TRPM4: variants seen among roughly 807,000 people sequenced by gnomAD.
TRPM4 encodes transient receptor potential cation channel subfamily M member 4.
A neutral mutation model predicts 135.6 loss-of-function variants in TRPM4; 124 were observed. The ratio of observed to expected loss-of-function variants is 0.91; its 90% CI spans 0.79 to 1.06. The LOEUF is 1.06. TRPM4 is among the 50% of genes least tolerant of loss of function. The probability of loss-of-function intolerance (pLI) is 0.00; values close to 1 mark genes in which losing one functional copy is unlikely to be tolerated. For missense variants in TRPM4, 1,658 were observed against 1,671.4 expected, an observed-to-expected ratio of 0.99 and a Z score of 0.14; for synonymous variants, 745 against 705.6, an observed-to-expected ratio of 1.06 and a Z score of -0.88.
chr19:49,168,068 G>T lies in TRPM4; in HGVS notation c.419G>T (p.Arg140Leu), dbSNP rs143440348. 4 of 1,609,122 alleles carry T rather than the reference G, an allele frequency of 2.5e-6. No homozygotes were observed. The highest frequency in any genetic ancestry group is 1.7e-5 in the Admixed American group (1 of 59,978). Reference sequence around the variant, plus strand: ...ACCTGGCTGCAGGACCTGCTGCGTCGTGGGCTGGTGCGGGCTGCCCAGAGC... The same window carrying T: ...ACCTGGCTGCAGGACCTGCTGCGTCTTGGGCTGGTGCGGGCTGCCCAGAGC... Reference protein sequence around the residue: ...LQTWLQDLLRRGLVRAAQSTG... With the variant: ...LQTWLQDLLRLGLVRAAQSTG... Residue 140 changes from arginine (R) to leucine (L), a missense_variant, in exon 4 of 25, where the codon CGT becomes CTT. Physicochemically the swap from Arg to Leu is moderately radical, Grantham distance 102 (BLOSUM62 -2). This residue lies in a region of TRPM4 where 239 missense variants were observed against 240.1 expected (regional missense o/e 1.00). Transcript: ENST00000252826.
chr19:49,190,457 C>A, intron 15 of TRPM4, 137 bp downstream of exon 15: 1 of 880,516 alleles, frequency 1.1e-6, no homozygotes, highest in Non-Finnish European at 1.8e-6. Flanking sequence ...TGTCCCTCCA[C>A]TAAGGGAGTG....
chr19:49,196,582 G>A lies in TRPM4; in HGVS notation c.2353G>A (p.Gly785Ser). The A allele has an allele frequency of 6.4e-7, 1 of 1,557,240 alleles. No individual in the cohort carries two copies. The highest frequency in any genetic ancestry group is 8.7e-7 in the Non-Finnish European group (1 of 1,153,778). ...FWGAPVTIFMGNVVSYLLFLL... is the reference protein window; with the variant it reads ...FWGAPVTIFMSNVVSYLLFLL... ...GGGCGCGCCGGTGACCATCTTCATGGGCAACGTGGTCAGCTACCTGCTGTT... is the reference window on the plus strand; with the variant it reads ...GGGCGCGCCGGTGACCATCTTCATGAGCAACGTGGTCAGCTACCTGCTGTT... Residue 785 changes from glycine (G) to serine (S), a missense_variant, in exon 17 of 25, where the codon GGC becomes AGC. Around this residue, in one of 3 missense-constraint regions of TRPM4, gnomAD observed 1,412 missense variants for 1,408.7 expected, o/e 1.00. Coordinates refer to ENST00000252826, the MANE Select transcript of TRPM4 (RefSeq NM_017636.4).
intron 2 of TRPM4, chr19:49,158,746 T>G: frequency 6.3e-6 from 1 of 159,380 alleles, no homozygotes; most frequent in Non-Finnish European, 1.4e-5. Context: ...TCATTTCACC[T>G]CTCTGGGTCC....
Position 49,182,461 on chromosome 19 carries a change from CAT to C in TRPM4, c.1264-116_1264-115del, listed in dbSNP as rs1291714622. On this transcript the variant is annotated intron_variant, in intron 10 of 24. Coordinates refer to ENST00000252826, the MANE Select transcript of TRPM4 (RefSeq NM_017636.4). ...TCATCCATCCATCCACCCATCCATC[CAT>C]CCATCCATCCATCCATCCATCCATC... The C allele has an allele frequency of 8.5e-3, 3,273 of 385,418 alleles. 17 individuals are homozygous for C. The highest frequency in any genetic ancestry group is 0.013 in the Non-Finnish European group (2,731 of 217,740). 23.9% of individuals were successfully genotyped at this position (385,418 alleles called of 1,614,324 possible).
chr19:49,168,650 AC>A lies in TRPM4; in HGVS notation c.711del (p.Asp237GlufsTer41). ...TACTCGGCCTTCTTCCTGGTGGACG[AC>A]GGCACACACGGCTGCCTGGGGGGCG... is the stretch of plus-strand genomic sequence containing the variant. ...YNYSAFFLVD[D>X]GTHGCLGGEN... On this transcript the variant is annotated frameshift_variant, in exon 6 of 25. Transcript: ENST00000252826. LOFTEE classifies it high-confidence loss of function. The A allele has an allele frequency of 1.2e-6, 2 of 1,613,228 alleles. No homozygotes were observed. The highest frequency in any genetic ancestry group is 1.7e-6 in the Non-Finnish European group (2 of 1,179,900).
chr19:49,184,581 G>A (rs867424065), intron 12 of TRPM4, among the ~76,000 whole-genome samples: 10 of 145,092 alleles, frequency 6.9e-5, no homozygotes, highest in Middle Eastern at 3.7e-3. Flanking sequence ...CTGCCTCCAC[G>A]CCATTCTCCT....
rs753057580 is a variant in TRPM4 at position 49,157,898 on chromosome 19, C to G, written c.24+8C>G. 13 of 1,535,080 alleles carry G rather than the reference C, an allele frequency of 8.5e-6. No homozygotes were observed. In the South Asian group the frequency reaches 1.4e-4, roughly 17 times the overall value. On this transcript the variant is annotated splice_region_variant and intron_variant, in intron 1 of 24. Coordinates refer to ENST00000252826, the MANE Select transcript of TRPM4 (RefSeq NM_017636.4). The stretch of plus-strand genomic sequence containing the variant: ...GTGCCGGAGAAGGAGCAGGTGAGCG[C>G]CGGACCAGGGTCTGCGGGAGCGCGG...
intron 9 of TRPM4, among the ~76,000 whole-genome samples, chr19:49,177,548 G>A (rs1219915968): frequency 1.3e-5 from 2 of 151,870 alleles, no homozygotes; most frequent in Non-Finnish European, 2.9e-5. Flanking sequence ...GGATGGTCTC[G>A]ACCTTCTGAC....
intron 16 of TRPM4, among the ~76,000 whole-genome samples, chr19:49,193,302 C>T (rs879303451): frequency 3.3e-5 from 5 of 152,006 alleles, no homozygotes; most frequent in Admixed American, 1.3e-4. Context: ...AGGATGGTCT[C>T]GATCTCCTGA....
chr19:49,161,093 G>A (rs1966944336), intron 2 of TRPM4, among the ~76,000 whole-genome samples: 1 of 152,002 alleles, frequency 6.6e-6, no homozygotes, highest in Non-Finnish European at 1.5e-5. Context: ...GGGGACCGAG[G>A]GGCATGTGGG....
intron 12 of TRPM4, among the ~76,000 whole-genome samples, chr19:49,187,348 A>G (rs1461645999): frequency 6.6e-6 from 1 of 151,904 alleles, no homozygotes; most frequent in African/African-American, 2.4e-5. Context: ...AGGGCTTTTA[A>G]AAATTTCATT....
intron 20 of TRPM4, among the ~76,000 whole-genome samples, chr19:49,209,723 C>A (rs1162034674): frequency 6.6e-6 from 1 of 151,006 alleles, no homozygotes; most frequent in Non-Finnish European, 1.5e-5. Context: ...GACATCTGAC[C>A]CTTGGCCCTT....
chr19:49,190,161 G>C (rs780438750), intron 14 of TRPM4, 47 bp from the exon 15 acceptor site: 2 of 1,533,798 alleles, frequency 1.3e-6, no homozygotes, highest in South Asian at 1.1e-5. Flanking sequence ...TCTTAGGGAC[G>C]GGGCTGTGGG....
At chr19:49,158,368 C>T in intron 2 of TRPM4, 109 bp downstream of exon 2, 2 of 1,055,186 alleles carry the variant, frequency 1.9e-6, no homozygotes. Context: ...GACTCGGGGA[C>T]CTTCCCAAGG....
rs1333534174 is a variant in TRPM4, at chr19:49,164,375, T to TTG, written c.93-1665_93-1664insGT. On this transcript the variant is annotated intron_variant, in intron 2 of 24. Transcript: ENST00000252826. Reference sequence around the variant, plus strand: ...CCTTTCTTTCCTTAGTTTTTTTTTTTTTTTTTTTTTTTTTTTTTTTTTTGA... The same window carrying TTG: ...CCTTTCTTTCCTTAGTTTTTTTTTTTTGTTTTTTTTTTTTTTTTTTTTTTTGA... 6.9e-4 allele frequency among the ~76,000 whole-genome samples: 61 copies of TTG among 88,034 alleles called. 2 individuals carry two copies. The highest frequency in any genetic ancestry group is 1.1e-3 in the Non-Finnish European group (47 of 44,648). The allele number at this position is 88,034 out of a possible 152,430, so 57.8% of individuals were successfully genotyped here.
intron 16 of TRPM4, among the ~76,000 whole-genome samples, chr19:49,195,702 T>TTC (rs1233814256): frequency 3.4e-4 from 51 of 147,886 alleles, no homozygotes; most frequent in African/African-American, 1.2e-3. Flanking sequence ...TTTTTTTTTT[T>TTC]AGACAGGGTC....
chr19:49,204,982 G>GT (rs756332219), intron 20 of TRPM4, among the ~76,000 whole-genome samples: 6,518 of 60,702 alleles, frequency 0.11, 720 homozygotes, highest in African/African-American at 0.17. Context: ...GGCTTTGGTT[G>GT]TTTTTTTTTT....
Position 49,210,185 on chromosome 19 carries a change from A to G in TRPM4, c.3132-24A>G. The stretch of plus-strand genomic sequence containing the variant: ...CCTGGCTGGGCCCTGACCTCAAGTG[A>G]CCTTTGACCTCTGGCCTTTGCAGTT... On this transcript the variant is annotated intron_variant, in intron 20 of 24. Transcript: ENST00000252826. This position sits in a 1 kb window ranked among gnomAD's most constrained non-coding sequence, Gnocchi z 4.1. 6.2e-7 allele frequency: 1 copy of G among 1,613,900 alleles called. No individual in the cohort carries two copies. Among genetic ancestry groups the G allele is most frequent in the East Asian group, 2.2e-5 (1 of 44,874 alleles).
chr19:49,176,756 C>T (rs1014244517), intron 9 of TRPM4, among the ~76,000 whole-genome samples: 1 of 152,166 alleles, frequency 6.6e-6, no homozygotes, highest in Non-Finnish European at 1.5e-5. Context: ...GAGGCTGAGG[C>T]AGGAGAATCG....
Sources: gnomAD v4.1 joint callset for allele counts (sites outside exome capture counted in the v4.1 genomes callset) on GRCh38, gnomAD v4.1.1 for gene constraint, gnomAD v4.1.1 regional missense constraint, Gnocchi (gnomAD v3.1) non-coding constraint, MANE v1.5 for transcripts, NCBI Gene and HGNC (gene_info 2026-07-23, HGNC 2026-07-21) for gene names.